SDK1: variants seen among roughly 807,000 people sequenced by gnomAD.
SDK1 encodes protein sidekick-1.
SDK1 carries 157 observed loss-of-function variants against 245.5 expected under a neutral mutation model. The ratio of observed to expected loss-of-function variants is 0.64; its 90% CI spans 0.56 to 0.73. SDK1 has a LOEUF of 0.73. Ranked by LOEUF, SDK1 falls within the 30% of genes least tolerant of loss-of-function variation. The pLI is 0.00. For synonymous variants in SDK1, 1,647 were observed against 1,278.5 expected, an observed-to-expected ratio of 1.29 and a Z score of -6.15; for missense variants, 3,583 against 3,002.3, an observed-to-expected ratio of 1.19 and a Z score of -4.52.
intron 4 of SDK1, among the ~76,000 whole-genome samples, chr7:3,756,326 C>T (rs966954007): frequency 2.0e-5 from 3 of 151,476 alleles, no homozygotes; most frequent in East Asian, 3.9e-4. Context: ...TGGCATAGCA[C>T]GTGTGACACA....
chr7:3,677,400 C>T (rs1306655726), intron 4 of SDK1, among the ~76,000 whole-genome samples: 1 of 152,160 alleles, frequency 6.6e-6, no homozygotes, highest in Admixed American at 6.5e-5. Flanking sequence ...TTCCACATGG[C>T]TGGGGAGGCC....
At chr7:4,218,638 A>G (rs912964239) in intron 38 of SDK1, among the ~76,000 whole-genome samples, 66 of 152,276 alleles carry the variant, frequency 4.3e-4, no homozygotes, top group African/African-American at 1.5e-3. Flanking sequence ...CTAGCAGCGC[A>G]CGACCCTCCC....
intron 13 of SDK1, among the ~76,000 whole-genome samples, chr7:3,986,308 G>C (rs1238514429): frequency 1.3e-5 from 2 of 151,640 alleles, no homozygotes; most frequent in Non-Finnish European, 2.9e-5. Context: ...GGATTTTAGT[G>C]AGTGGTTTCA....
At chr7:4,038,468 A>G (rs1404452888) in intron 17 of SDK1, among the ~76,000 whole-genome samples, 1 of 152,202 alleles carries the variant, frequency 6.6e-6, no homozygotes, top group African/African-American at 2.4e-5. Context: ...CGTTACTAAC[A>G]TCAGCACTTA....
Position 3,517,955 on chromosome 7 carries a change from GTGTT to G in SDK1, c.299-101119_299-101116del, listed in dbSNP as rs984822704. ...AATGGTAATTCATTTGAAGTTTTTT[GTGTT>G]TGTTTTTGTGACTTCTCTCTCTTTA... is the stretch of plus-strand genomic sequence containing the variant. On this transcript the variant is annotated intron_variant, in intron 1 of 44. Coordinates refer to ENST00000404826, the MANE Select transcript of SDK1 (RefSeq NM_152744.4). Among the ~76,000 whole-genome samples the G allele has an allele frequency of 1.8e-4, 27 of 152,092 alleles. No homozygotes were observed. In the South Asian group the frequency reaches 3.1e-3, roughly 18 times the overall value.
At chr7:3,890,471 T>G (rs1781433100) in intron 5 of SDK1, among the ~76,000 whole-genome samples, 1 of 152,218 alleles carries the variant, frequency 6.6e-6, no homozygotes, top group Non-Finnish European at 1.5e-5. Context: ...TTCTTTGTAC[T>G]TTATTCAACA....
At chr7:4,041,527 A>G (rs1477646533) in intron 17 of SDK1, among the ~76,000 whole-genome samples, 1 of 152,112 alleles carries the variant, frequency 6.6e-6, no homozygotes, top group African/African-American at 2.4e-5. Flanking sequence ...TGAGAAGCAT[A>G]TGGTGACATG....
At chr7:3,596,404 G>A (rs182306351) in intron 1 of SDK1, among the ~76,000 whole-genome samples, 1 of 152,220 alleles carries the variant, frequency 6.6e-6, no homozygotes, top group African/African-American at 2.4e-5. Flanking sequence ...TGAGGAAAGT[G>A]TGTCTCCATT....
intron 22 of SDK1, among the ~76,000 whole-genome samples, chr7:4,093,823 C>G (rs965265173): frequency 1.3e-5 from 2 of 152,194 alleles, no homozygotes; most frequent in African/African-American, 4.8e-5. Flanking sequence ...TTTCATTTTG[C>G]TGTTTGCTGA....
intron 1 of SDK1, among the ~76,000 whole-genome samples, chr7:3,416,459 C>T (rs1321203893): frequency 3.7e-5 from 5 of 136,704 alleles, no homozygotes; most frequent in Admixed American, 1.5e-4. Flanking sequence ...ACATGGCTTT[C>T]GTTCTTTTTT....
intron 4 of SDK1, among the ~76,000 whole-genome samples, chr7:3,792,714 A>ATCCG (rs1170509880): frequency 2.0e-5 from 3 of 149,400 alleles, no homozygotes; most frequent in African/African-American, 7.5e-5. Flanking sequence ...CCATCCATCC[A>ATCCG]TCCATCCGTC....
At chr7:3,517,362 G>T (rs1782786988) in intron 1 of SDK1, among the ~76,000 whole-genome samples, 1 of 152,100 alleles carries the variant, frequency 6.6e-6, no homozygotes, top group Non-Finnish European at 1.5e-5. Context: ...TTTGTCTAGT[G>T]TACTTCATTT....
intron 2 of SDK1, among the ~76,000 whole-genome samples, chr7:3,624,066 A>C (rs191833703): frequency 6.6e-6 from 1 of 152,336 alleles, no homozygotes; most frequent in East Asian, 1.9e-4. Flanking sequence ...ACCCACGTGG[A>C]AAGTGCGTAA....
At chr7:4,038,506 G>A (rs1328043514) in intron 17 of SDK1, among the ~76,000 whole-genome samples, 1 of 152,188 alleles carries the variant, frequency 6.6e-6, no homozygotes, top group East Asian at 1.9e-4. Context: ...CTTGTTTGAT[G>A]TAATAATCCT....
At chr7:3,866,016 A>G (rs1240067318) in intron 5 of SDK1, among the ~76,000 whole-genome samples, 2 of 152,202 alleles carry the variant, frequency 1.3e-5, no homozygotes. Flanking sequence ...GATGCGAAGG[A>G]TGAGATGGGA....
At chr7:3,639,295 G>A (rs1366221082) in intron 3 of SDK1, among the ~76,000 whole-genome samples, 185 bp downstream of exon 3, 2 of 152,192 alleles carry the variant, frequency 1.3e-5, no homozygotes, top group Non-Finnish European at 2.9e-5. Context: ...GTGAGGGGCT[G>A]TTGAGGCAAA....
chr7:3,962,597 G>T, intron 8 of SDK1, 60 bp from the exon 9 acceptor site: 1 of 1,371,876 alleles, frequency 7.3e-7, no homozygotes, highest in South Asian at 1.4e-5. Context: ...AAACAGATGT[G>T]CTTCAGTTCT....
At chr7:3,594,812 C>A (rs1383830438) in intron 1 of SDK1, among the ~76,000 whole-genome samples, 1 of 152,166 alleles carries the variant, frequency 6.6e-6, no homozygotes, top group South Asian at 2.1e-4. Flanking sequence ...TCCCTGCTTT[C>A]ATTAGAGGGG....
intron 1 of SDK1, among the ~76,000 whole-genome samples, chr7:3,448,133 T>C (rs1780401650): frequency 1.3e-5 from 2 of 152,320 alleles, no homozygotes; most frequent in African/African-American, 2.4e-5. Context: ...TTCCTAAATG[T>C]TTACTGCAGT....
Sources: allele counts gnomAD v4.1 joint callset (sites outside exome capture counted in the v4.1 genomes callset), GRCh38; gene constraint gnomAD v4.1.1; transcripts MANE v1.5; gene names NCBI Gene and HGNC (gene_info 2026-07-23, HGNC 2026-07-21).